The following FDFT1 variants were observed in gnomAD, a reference collection of about 807,000 sequenced individuals.
FDFT1 encodes the protein farnesyl-diphosphate farnesyltransferase 1.
Under a neutral mutation model 46.8 loss-of-function variants are expected in FDFT1, and 68 were observed. The observed-to-expected ratio is 1.45, with a 90% CI of 1.19 to 1.78. The LOEUF is 1.78. Ranked by LOEUF, FDFT1 falls within the 40% of genes most tolerant of loss-of-function variation. The pLI is 0.00. For missense variants in FDFT1, 928 were observed against 524.4 expected, an observed-to-expected ratio of 1.77 and a Z score of -7.52; for synonymous variants, 351 against 185.1, an observed-to-expected ratio of 1.90 and a Z score of -7.28.
chr8:11,819,142 G>A (rs541773914), intron 3 of FDFT1, among the ~76,000 whole-genome samples: 40 of 152,258 alleles, frequency 2.6e-4, no homozygotes, highest in African/African-American at 8.9e-4. Context: ...GAGATTCTGG[G>A]TTGAAAATTC....
upstream of FDFT1, among the ~76,000 whole-genome samples, chr8:11,799,471 T>C (rs1369668627): frequency 1.3e-5 from 2 of 152,222 alleles, no homozygotes; most frequent in Non-Finnish European, 2.9e-5. Flanking sequence ...TGCATGGCCT[T>C]AGGTCCTGTT....
rs953987839 is a variant in FDFT1, at chr8:11,802,777, C to G, written c.-56C>G. On this transcript the variant is annotated 5_prime_UTR_variant, in exon 1 of 8. Coordinates refer to ENST00000220584, the MANE Select transcript of FDFT1 (RefSeq NM_004462.5). ...TCCACAGGTCCAGCCGGCCGGTGAG[C>G]GCCTGGGGACCGCAGAGGTGAGAGT... The G allele has an allele frequency of 7.1e-6, 10 of 1,404,182 alleles. No individual in the cohort carries two copies. The highest frequency in any genetic ancestry group is 1.4e-5 in the African/African-American group (1 of 70,248). 87.0% of individuals were successfully genotyped at this position (1,404,182 alleles called of 1,614,324 possible).
At chr8:11,815,649 G>T (rs1305059616) in intron 3 of FDFT1, among the ~76,000 whole-genome samples, 2 of 152,156 alleles carry the variant, frequency 1.3e-5, no homozygotes, top group African/African-American at 4.8e-5. Flanking sequence ...TCATATGTCT[G>T]TTGGCTGCAT....
At chr8:11,809,241 T>C (rs971812497) in intron 2 of FDFT1, 1 of 1,150,788 alleles carries the variant, frequency 8.7e-7, no homozygotes, top group Non-Finnish European at 1.1e-6. Context: ...TTGATTCTTT[T>C]GAAGCTGCCT....
Position 11,838,813 on chromosome 8 carries a change from C to G in FDFT1, c.*204C>G. 1.7e-6 allele frequency: 1 copy of G among 577,920 alleles called. No homozygotes were observed. The highest frequency in any genetic ancestry group is 3.1e-6 in the Non-Finnish European group (1 of 322,956). 35.8% of individuals were successfully genotyped at this position (577,920 alleles called of 1,614,324 possible). A position where few individuals can be genotyped will look rare whatever the true frequency, so the allele number is the denominator to read the frequency against. On this transcript the variant is annotated 3_prime_UTR_variant, in exon 8 of 8. Transcript: ENST00000220584. ...AGGGTGCCTCATCCCAGCAACCTGT[C>G]CTTGTGGGTGATGATCACTGTGCTG...
chr8:11,823,895 C>T (rs1346062604), intron 4 of FDFT1, among the ~76,000 whole-genome samples: 1 of 152,068 alleles, frequency 6.6e-6, no homozygotes, highest in African/African-American at 2.4e-5. Flanking sequence ...AGGTCCACAC[C>T]ACTACACCAG....
intron 5 of FDFT1, 119 bp from the exon 6 acceptor site, chr8:11,830,125 C>G (rs1198303255): frequency 1.8e-5 from 15 of 825,804 alleles, no homozygotes; most frequent in Non-Finnish European, 1.8e-5. Context: ...GGATTACAGG[C>G]GTGAGCCACG....
chr8:11,831,809 T>C (rs1810844062), intron 7 of FDFT1, 139 bp downstream of exon 7: 1 of 744,348 alleles, frequency 1.3e-6, no homozygotes, highest in South Asian at 1.7e-5. Context: ...ATTGATATCC[T>C]TTATAAGGAA....
At position 11,830,395 on chromosome 8, in the gene FDFT1, T is replaced by G; in HGVS notation, c.854T>G (p.Val285Gly). Residue 285 changes from valine to glycine, a missense_variant, in exon 6 of 8, where the codon GTG (valine) becomes GGG (glycine). Val to Gly is a moderately radical substitution (Grantham distance 109, BLOSUM62 -3). Transcript: ENST00000220584. ...CTTTCGAGACTCAGAAACCAGAGTG[T>G]GTTTAACTTCTGTGCTATTCCACAG... Reference protein sequence around the residue: ...TYLSRLRNQSVFNFCAIPQVM... With the variant: ...TYLSRLRNQSGFNFCAIPQVM... The G allele has an allele frequency of 6.2e-7, 1 of 1,613,712 alleles. No homozygotes were observed. The highest frequency in any genetic ancestry group is 8.5e-7 in the Non-Finnish European group (1 of 1,179,784).
At chr8:11,819,364 C>G (rs956519384) in intron 3 of FDFT1, among the ~76,000 whole-genome samples, 1 of 152,108 alleles carries the variant, frequency 6.6e-6, no homozygotes, top group South Asian at 2.1e-4. Context: ...TTGTGGTGTT[C>G]TCTGTATTTC....
rs532657550 is a variant in FDFT1, at chr8:11,808,984, G to A, written c.197+93G>A. ...GCTACCTTTTGATATAGCGCTCAGC[G>A]TTGCAGCCTCGTTGCTGTGGCTTAT... On this transcript the variant is annotated intron_variant, in intron 2 of 7. Transcript: ENST00000220584. The A allele has an allele frequency of 6.6e-6, 10 of 1,523,926 alleles. No individual in the cohort carries two copies. In the African/African-American group the frequency reaches 1.2e-4, roughly 19 times the overall value. 94.4% of individuals were successfully genotyped at this position (1,523,926 alleles called of 1,614,324 possible). A position where few individuals can be genotyped will look rare whatever the true frequency, so the allele number is the denominator to read the frequency against.
chr8:11,818,639 C>G (rs775683473), intron 3 of FDFT1, among the ~76,000 whole-genome samples: 2 of 151,608 alleles, frequency 1.3e-5, no homozygotes, highest in Non-Finnish European at 1.5e-5. Flanking sequence ...CTCTTTTGAT[C>G]TTAGTTGGTT....
At chr8:11,808,925 G>T in intron 2 of FDFT1, 34 bp downstream of exon 2, 4 of 1,603,828 alleles carry the variant, frequency 2.5e-6, no homozygotes, top group Non-Finnish European at 3.4e-6. Flanking sequence ...TGGCTTGGAG[G>T]AAAGCTTGTC....
intron 3 of FDFT1, among the ~76,000 whole-genome samples, chr8:11,814,975 C>T (rs1039599964): frequency 2.6e-5 from 4 of 152,066 alleles, no homozygotes; most frequent in Non-Finnish European, 4.4e-5. Flanking sequence ...CCCATCAACT[C>T]GTCATTTACA....
In FDFT1 at chr8:11,809,821, G is replaced by C. The variant is rs1807453413; in HGVS notation, c.352G>C (p.Asp118His). The C allele has an allele frequency of 6.2e-7, 1 of 1,613,866 alleles. No homozygotes were observed. Among genetic ancestry groups the C allele is most frequent in the African/African-American group, 1.3e-5 (1 of 74,910 alleles). ...GCGGTTCATGGAGAGCAAGGAGAAG[G>C]ATCGCCAGGTGCTGGAGGACTTCCC... is the stretch of plus-strand genomic sequence containing the variant. ...DWRFMESKEK[D>H]RQVLEDFPTI... Residue 118 changes from aspartate (D) to histidine (H), a missense_variant, in exon 3 of 8, where the codon GAT (aspartate) becomes CAT (histidine). Coordinates refer to ENST00000220584, the MANE Select transcript of FDFT1 (RefSeq NM_004462.5).
At chr8:11,824,934 A>T (rs1157624312) in intron 4 of FDFT1, among the ~76,000 whole-genome samples, 1 of 151,822 alleles carries the variant, frequency 6.6e-6, no homozygotes, top group Non-Finnish European at 1.5e-5. Context: ...ACGGGGTTTC[A>T]CCGTCTTAGC....
At chr8:11,833,843 G>C (rs1167081550) in intron 7 of FDFT1, among the ~76,000 whole-genome samples, 5 of 152,208 alleles carry the variant, frequency 3.3e-5, no homozygotes, top group African/African-American at 4.8e-5. Flanking sequence ...TGTTATCCCA[G>C]TAAAACTCAA....
intron 1 of FDFT1, chr8:11,808,359 G>A (rs1462469790): frequency 1.5e-5 from 18 of 1,235,070 alleles, no homozygotes; most frequent in Admixed American, 8.5e-5. Context: ...GTGCGGAGCG[G>A]GAGGCCGGGG....
At chr8:11,829,836 T>TA (rs914339360) in intron 5 of FDFT1, among the ~76,000 whole-genome samples, 6 of 151,726 alleles carry the variant, frequency 4.0e-5, no homozygotes, top group African/African-American at 1.2e-4. Context: ...ATCATAGTGT[T>TA]TTTTTTTGTT....
Sources: gnomAD v4.1 joint callset for allele counts (sites outside exome capture counted in the v4.1 genomes callset) on GRCh38, gnomAD v4.1.1 for gene constraint, MANE v1.5 for transcripts, NCBI Gene and HGNC (gene_info 2026-07-23, HGNC 2026-07-21) for gene names.